Variants in EXOC6B observed in about 807,000 individuals in gnomAD.
The protein encoded by EXOC6B is SEC15 homolog B.
EXOC6B carries 54 observed loss-of-function variants against 113.5 expected under a neutral mutation model. That is an observed-to-expected ratio of 0.48 (90% CI 0.38 to 0.60). The LOEUF (loss-of-function observed/expected upper bound fraction) is 0.60. EXOC6B is among the 20% of genes least tolerant of loss of function. The probability of loss-of-function intolerance (pLI) is 0.00; values close to 1 mark genes in which losing one functional copy is unlikely to be tolerated. For synonymous variants in EXOC6B, 357 were observed against 339.0 expected (o/e 1.05, Z -0.58); for missense variants, 797 against 977.5 (o/e 0.82, Z 2.46).
intron 20 of EXOC6B, among the ~76,000 whole-genome samples, chr2:72,213,518 G>A (rs2104393984): frequency 6.6e-6 from 1 of 151,566 alleles, no homozygotes; most frequent in African/African-American, 2.4e-5. Context: ...CAATCCACTG[G>A]ACATGGAGAA....
At chr2:72,434,273 A>G (rs1453968335) in intron 18 of EXOC6B, among the ~76,000 whole-genome samples, 1 of 152,212 alleles carries the variant, frequency 6.6e-6, no homozygotes, top group African/African-American at 2.4e-5. Context: ...CATGGTGGAT[A>G]AGCTTTTTGA....
intron 20 of EXOC6B, among the ~76,000 whole-genome samples, chr2:72,243,972 C>T (rs1682492815): frequency 6.6e-6 from 1 of 152,082 alleles, no homozygotes; most frequent in African/African-American, 2.4e-5. Flanking sequence ...CTTCAACAGA[C>T]CATTATCAGT....
intron 1 of EXOC6B, among the ~76,000 whole-genome samples, chr2:72,750,142 T>A (rs555367399): frequency 1.3e-5 from 2 of 151,986 alleles, no homozygotes; most frequent in East Asian, 3.9e-4. Context: ...ATTCAACTCC[T>A]GGTCCAATTT....
At chr2:72,220,836 AT>A (rs961551334) in intron 20 of EXOC6B, among the ~76,000 whole-genome samples, 7 of 152,200 alleles carry the variant, frequency 4.6e-5, no homozygotes, top group Non-Finnish European at 8.8e-5. Context: ...TTCCTTATTA[AT>A]TTTTTTAATT....
At chr2:72,280,262 A>G (rs1685055325) in intron 20 of EXOC6B, among the ~76,000 whole-genome samples, 1 of 152,052 alleles carries the variant, frequency 6.6e-6, no homozygotes, top group Non-Finnish European at 1.5e-5. Context: ...GGCATCACTT[A>G]TGCCTGCTTC....
At chr2:72,746,231 T>G (rs1468314607) in intron 1 of EXOC6B, among the ~76,000 whole-genome samples, 1 of 152,128 alleles carries the variant, frequency 6.6e-6, no homozygotes, top group Non-Finnish European at 1.5e-5. Context: ...ACTGCACCAC[T>G]AGTTTAATTA....
chr2:72,821,789 G>C (rs1445351331), intron 1 of EXOC6B, among the ~76,000 whole-genome samples: 1 of 152,118 alleles, frequency 6.6e-6, no homozygotes, highest in Non-Finnish European at 1.5e-5. Flanking sequence ...ATTGCCTAGG[G>C]AGAGAGAGGG....
intron 7 of EXOC6B, among the ~76,000 whole-genome samples, chr2:72,567,994 G>A (rs1006592053): frequency 6.6e-6 from 1 of 152,026 alleles, no homozygotes; most frequent in Admixed American, 6.6e-5. Context: ...CAAGCTGTTA[G>A]GGAACAGGAT....
At chr2:72,692,632 T>C (rs141013143) in intron 6 of EXOC6B, among the ~76,000 whole-genome samples, 1,610 of 152,298 alleles carry the variant, frequency 0.011, 10 homozygotes, top group Middle Eastern at 0.017. Context: ...ATTACAGCCG[T>C]GAGCCGCTGC....
At chr2:72,639,546 G>A (rs1573534644) in intron 6 of EXOC6B, among the ~76,000 whole-genome samples, 3 of 152,182 alleles carry the variant, frequency 2.0e-5, no homozygotes, top group African/African-American at 7.2e-5. Flanking sequence ...TGCCATCCAT[G>A]TGCAAACAAG....
In EXOC6B at chr2:72,358,530, T is replaced by C. The variant is rs578074663; in HGVS notation, c.2122+21199A>G. Among the ~76,000 whole-genome samples the C allele has an allele frequency of 5.9e-5, 9 of 152,308 alleles. No individual in the cohort carries two copies. The East Asian group carries it at 1.3e-3, about 23-fold the overall frequency. On this transcript the variant is annotated intron_variant, in intron 19 of 21. Coordinates refer to ENST00000272427, the MANE Select transcript of EXOC6B (RefSeq NM_015189.3). Reference sequence around the variant, plus strand: ...AGCAATTATTCACTTAGTTATCACATGTCTATGAGATAGGTACAAATATAA... The same window carrying C: ...AGCAATTATTCACTTAGTTATCACACGTCTATGAGATAGGTACAAATATAA...
At chr2:72,273,332 A>G (rs1209587765) in intron 20 of EXOC6B, among the ~76,000 whole-genome samples, 2 of 152,166 alleles carry the variant, frequency 1.3e-5, no homozygotes, top group South Asian at 2.1e-4. Context: ...TCATTTAGCA[A>G]ACATTAATTG....
intron 1 of EXOC6B, among the ~76,000 whole-genome samples, chr2:72,784,372 A>T (rs1684251598): frequency 6.6e-6 from 1 of 152,098 alleles, no homozygotes; most frequent in South Asian, 2.1e-4. Flanking sequence ...TTTTCTATTT[A>T]TATGAAAAAT....
intron 20 of EXOC6B, among the ~76,000 whole-genome samples, chr2:72,268,856 C>T (rs892432711): frequency 6.6e-6 from 1 of 152,108 alleles, no homozygotes; most frequent in Non-Finnish European, 1.5e-5. Context: ...TTCCTGAGGC[C>T]CTCATCAGAA....
At chr2:72,557,180 C>A (rs1703595387) in intron 8 of EXOC6B, among the ~76,000 whole-genome samples, 1 of 150,296 alleles carries the variant, frequency 6.7e-6, no homozygotes, top group Non-Finnish European at 1.5e-5. Context: ...ATTTACACAT[C>A]TATGACCATA....
intron 20 of EXOC6B, among the ~76,000 whole-genome samples, chr2:72,267,495 C>T (rs1032575378): frequency 3.7e-4 from 56 of 152,190 alleles, no homozygotes; most frequent in African/African-American, 1.3e-3. Context: ...AAGGTCTTTT[C>T]TGCATCTATT....
At chr2:72,818,311 A>ATTTTTTTTTT (rs1183950982) in intron 1 of EXOC6B, among the ~76,000 whole-genome samples, 299 of 117,732 alleles carry the variant, frequency 2.5e-3, no homozygotes, top group East Asian at 6.0e-3. Context: ...GGCCCAGCTA[A>ATTTTTTTTTT]TTTTTTTTTT....
At position 72,825,921 on chromosome 2, in the gene EXOC6B, C is replaced by T. The variant is rs749219103; in HGVS notation, c.-11G>A. ...CTTACCCCGCTCCATAGACTGGGGG[C>T]GCCCCGCAGCGCGTCCCCTCCGTCG... On this transcript the variant is annotated 5_prime_UTR_variant, in exon 1 of 22. Coordinates refer to ENST00000272427, the MANE Select transcript of EXOC6B (RefSeq NM_015189.3). The surrounding 1 kb of genome is among the most constrained non-coding windows in gnomAD (Gnocchi z 4.4). The T allele has an allele frequency of 1.2e-6, 2 of 1,610,746 alleles. No individual in the cohort carries two copies. Among genetic ancestry groups the T allele is most frequent in the African/African-American group, 1.3e-5 (1 of 74,924 alleles).
intron 6 of EXOC6B, among the ~76,000 whole-genome samples, chr2:72,587,770 T>A (rs1705682863): frequency 6.6e-6 from 1 of 152,012 alleles, no homozygotes; most frequent in Non-Finnish European, 1.5e-5. Context: ...TCACTAATCA[T>A]GTATCTGATA....
Sources: allele counts gnomAD v4.1 joint callset (sites outside exome capture counted in the v4.1 genomes callset), GRCh38; gene constraint gnomAD v4.1.1; non-coding constraint Gnocchi (gnomAD v3.1); transcripts MANE v1.5; gene names NCBI Gene and HGNC (gene_info 2026-07-23, HGNC 2026-07-21).